Variants in SERGEF observed in about 807,000 individuals in gnomAD.
SERGEF encodes the protein secretion regulating guanine nucleotide exchange factor, also known as secretion-regulating guanine nucleotide exchange factor.
SERGEF carries 51 observed loss-of-function variants against 50.0 expected under a neutral mutation model. That is an observed-to-expected ratio of 1.02 (90% CI 0.81 to 1.29). The LOEUF is 1.29. Among genes scored for constraint, SERGEF ranks in the 50% most tolerant of loss-of-function variants. The probability of loss-of-function intolerance (pLI) is 0.00; values close to 1 mark genes in which losing one functional copy is unlikely to be tolerated. For missense variants in SERGEF, 521 were observed against 557.0 expected (o/e 0.94, Z 0.65); for synonymous variants, 205 against 212.4 (o/e 0.97, Z 0.30).
At chr11:17,893,518 C>A (rs1851570908) in intron 9 of SERGEF, among the ~76,000 whole-genome samples, 1 of 152,168 alleles carries the variant, frequency 6.6e-6, no homozygotes, top group Non-Finnish European at 1.5e-5. Context: ...TGGAAAACAT[C>A]TTTATATGGA....
At chr11:17,798,425 G>A (rs1168520216) in intron 10 of SERGEF, among the ~76,000 whole-genome samples, 4 of 152,202 alleles carry the variant, frequency 2.6e-5, no homozygotes, top group African/African-American at 9.6e-5. Flanking sequence ...ATTTGGGTGC[G>A]GTTCAGAAAC....
intron 9 of SERGEF, among the ~76,000 whole-genome samples, chr11:17,914,302 A>G (rs1324145862): frequency 1.3e-5 from 2 of 152,244 alleles, no homozygotes; most frequent in Non-Finnish European, 2.9e-5. Flanking sequence ...ACATATTATC[A>G]GTACCTGAGG....
At chr11:17,937,845 G>A (rs907619631) in intron 9 of SERGEF, among the ~76,000 whole-genome samples, 2 of 152,104 alleles carry the variant, frequency 1.3e-5, no homozygotes, top group African/African-American at 4.8e-5. Context: ...AGACTTTAGA[G>A]ACCTGGAATT....
chr11:17,890,096 A>T (rs1446226135), intron 9 of SERGEF, among the ~76,000 whole-genome samples: 1 of 151,754 alleles, frequency 6.6e-6, no homozygotes, highest in Non-Finnish European at 1.5e-5. Context: ...GTGGCCAAGC[A>T]TCAGAACCTA....
intron 10 of SERGEF, among the ~76,000 whole-genome samples, chr11:17,831,745 T>C (rs1228334465): frequency 2.6e-5 from 4 of 152,192 alleles, no homozygotes; most frequent in African/African-American, 4.8e-5. Context: ...TAAAGAACAA[T>C]AACTGAAGAC....
At position 18,009,230 on chromosome 11, in the gene SERGEF, T is replaced by C. The variant is rs200029181; in HGVS notation, c.61-1154A>G. Reference sequence around the variant, plus strand: ...CTGTTAGGCTCATTCTTAACGGCTGTTATATGCTCCCATATTTAGATGGAG... The same window carrying C: ...CTGTTAGGCTCATTCTTAACGGCTGCTATATGCTCCCATATTTAGATGGAG... On this transcript the variant is annotated intron_variant, in intron 1 of 10. Coordinates refer to ENST00000265965, the MANE Select transcript of SERGEF (RefSeq NM_012139.4). 8.5e-5 allele frequency among the ~76,000 whole-genome samples: 13 copies of C among 152,282 alleles called. No individual in the cohort carries two copies. In the East Asian group the frequency reaches 2.3e-3, roughly 27 times the overall value.
chr11:17,983,432 C>T (rs1039115724), intron 8 of SERGEF, among the ~76,000 whole-genome samples: 21 of 152,112 alleles, frequency 1.4e-4, no homozygotes. Context: ...CTCTAGAGAG[C>T]TCAAGAGTTT....
intron 9 of SERGEF, among the ~76,000 whole-genome samples, chr11:17,892,531 C>T (rs1447835860): frequency 6.6e-6 from 1 of 152,122 alleles, no homozygotes; most frequent in African/African-American, 2.4e-5. Flanking sequence ...TTAGCTGAGC[C>T]ACAGACACAT....
intron 9 of SERGEF, among the ~76,000 whole-genome samples, chr11:17,892,323 A>G (rs2133911673): frequency 6.6e-6 from 1 of 152,324 alleles, no homozygotes; most frequent in East Asian, 1.9e-4. Flanking sequence ...TGACACAAGT[A>G]GAGATTTGAA....
chr11:17,877,892 A>C (rs541338574), intron 10 of SERGEF: 1 of 242,326 alleles, frequency 4.1e-6, no homozygotes. Flanking sequence ...CAGTCCAATC[A>C]TTCTTCCTTT....
chr11:17,873,738 T>C (rs1851192487), intron 10 of SERGEF, among the ~76,000 whole-genome samples: 1 of 152,106 alleles, frequency 6.6e-6, no homozygotes, highest in African/African-American at 2.4e-5. Context: ...TAACAATGCC[T>C]GTCTGGCAAG....
At chr11:17,994,939 A>C (rs1233363353) in intron 6 of SERGEF, among the ~76,000 whole-genome samples, 1 of 152,192 alleles carries the variant, frequency 6.6e-6, no homozygotes, top group African/African-American at 2.4e-5. Flanking sequence ...CAGAAGAAGT[A>C]GTTACAAGTC....
intron 9 of SERGEF, among the ~76,000 whole-genome samples, chr11:17,916,803 C>A (rs1291454346): frequency 2.0e-5 from 3 of 152,182 alleles, no homozygotes; most frequent in African/African-American, 4.8e-5. Context: ...TGGAGTGGAA[C>A]AATCACTATC....
intron 5 of SERGEF, chr11:17,999,522 T>G (rs1482904018): frequency 2.1e-4 from 96 of 454,448 alleles, no homozygotes; most frequent in Non-Finnish European, 6.2e-5. Flanking sequence ...ACTCCACAAG[T>G]GGACTCACGA....
intron 4 of SERGEF, among the ~76,000 whole-genome samples, chr11:18,002,431 T>C (rs1208436383): frequency 6.6e-6 from 1 of 152,166 alleles, no homozygotes; most frequent in East Asian, 1.9e-4. Flanking sequence ...ACCTCTTCCT[T>C]ATATTCCAAC....
intron 10 of SERGEF, among the ~76,000 whole-genome samples, chr11:17,840,475 C>T (rs993853022): frequency 5.3e-5 from 8 of 152,300 alleles, no homozygotes; most frequent in Non-Finnish European, 7.4e-5. Context: ...CAGAAGGACA[C>T]GAAACCTCCT....
chr11:17,800,903 T>C (rs1196135820), intron 10 of SERGEF, among the ~76,000 whole-genome samples: 11 of 151,986 alleles, frequency 7.2e-5, no homozygotes, highest in East Asian at 5.8e-4. Flanking sequence ...GGCCTTAAAA[T>C]TGAAGGGGAA....
At chr11:17,910,910 G>A (rs1238158175) in intron 9 of SERGEF, among the ~76,000 whole-genome samples, 1 of 152,122 alleles carries the variant, frequency 6.6e-6, no homozygotes, top group Non-Finnish European at 1.5e-5. Context: ...GGCTCAGGTG[G>A]GTAGACAAGA....
chr11:17,983,724 G>A (rs531023622), intron 8 of SERGEF, among the ~76,000 whole-genome samples: 1 of 132,978 alleles, frequency 7.5e-6, no homozygotes, highest in Non-Finnish European at 1.6e-5. Context: ...CAAAAGAGAG[G>A]TTTACGGTGC....
Sources: allele counts gnomAD v4.1 joint callset (sites outside exome capture counted in the v4.1 genomes callset), GRCh38; gene constraint gnomAD v4.1.1; transcripts MANE v1.5; gene names NCBI Gene and HGNC (gene_info 2026-07-23, HGNC 2026-07-21).